PHF20: variants seen among roughly 807,000 people sequenced by gnomAD.
PHF20 encodes PHD finger protein 20, also known as glioma-expressed antigen 2.
In PHF20, 23 loss-of-function variants were observed where a neutral mutation model predicts 113.5. The observed-to-expected ratio is 0.20, with a 90% confidence interval of 0.15 to 0.29. The LOEUF (loss-of-function observed/expected upper bound fraction) is 0.29. Ranked by LOEUF, PHF20 falls within the 10% of genes least tolerant of loss-of-function variation. The pLI, the probability that PHF20 is intolerant of heterozygous loss-of-function variation, is 1.00. For missense variants in PHF20, 943 were observed against 1,219.6 expected, an observed-to-expected ratio of 0.77 and a Z score of 3.38; for synonymous variants, 434 against 457.3, an observed-to-expected ratio of 0.95 and a Z score of 0.65.
chr20:35,827,647 G>GAA (rs1471868987), intron 2 of PHF20, among the ~76,000 whole-genome samples: 5 of 152,038 alleles, frequency 3.3e-5, no homozygotes, highest in South Asian at 2.1e-4. Context: ...GGCTGGGCGT[G>GAA]GTGGCGGGTG....
chr20:35,882,862 A>G (rs151208095), intron 9 of PHF20, among the ~76,000 whole-genome samples: 1 of 152,156 alleles, frequency 6.6e-6, no homozygotes, highest in Admixed American at 6.5e-5. Flanking sequence ...CCCTGTTTCT[A>G]CTAAAAATAC....
intron 2 of PHF20, among the ~76,000 whole-genome samples, chr20:35,815,043 A>G (rs1018798830): frequency 2.6e-5 from 4 of 151,398 alleles, no homozygotes; most frequent in Non-Finnish European, 5.9e-5. Flanking sequence ...TAAAAATACA[A>G]AAATTAGCCG....
At chr20:35,830,820 G>T (rs2042345905) in intron 2 of PHF20, among the ~76,000 whole-genome samples, 2 of 151,384 alleles carry the variant, frequency 1.3e-5, no homozygotes, top group Admixed American at 1.3e-4. Flanking sequence ...TTGCTGCACA[G>T]ATCATCCCAT....
At position 35,875,675 on chromosome 20, in the gene PHF20, G is replaced by A. The variant is rs6119668; in HGVS notation, c.1282+3846G>A. 5.8e-3 allele frequency among the ~76,000 whole-genome samples: 887 copies of A among 152,186 alleles called. 9 individuals carry two copies. Among genetic ancestry groups the A allele is most frequent in the African/African-American group, 0.02 (833 of 41,518 alleles). ...ATCTCGGAATTTAGTTGTCTGTCTT[G>A]GCAGGGAGAACTCTAGATGACAGCC... is the stretch of plus-strand genomic sequence containing the variant. On this transcript the variant is annotated intron_variant, in intron 9 of 17. Coordinates refer to ENST00000374012, the MANE Select transcript of PHF20 (RefSeq NM_016436.5).
At chr20:35,874,547 A>G (rs2054483087) in intron 9 of PHF20, among the ~76,000 whole-genome samples, 1 of 151,914 alleles carries the variant, frequency 6.6e-6, no homozygotes, top group Non-Finnish European at 1.5e-5. Context: ...GCAGTGGCAC[A>G]ATCACAGCTC....
In PHF20 at chr20:35,837,460, A is replaced by C. The variant is rs1041167837; in HGVS notation, c.84-5113A>C. On this transcript the variant is annotated intron_variant, in intron 2 of 17. Coordinates refer to ENST00000374012, the MANE Select transcript of PHF20 (RefSeq NM_016436.5). ...TCTCATCAGTGGCTCTTAGTTACAC[A>C]GGGAAGCTAGAAATTCTCTCTTCCT... 4.9e-4 allele frequency among the ~76,000 whole-genome samples: 75 copies of C among 152,202 alleles called. 3 individuals are homozygous for C.
chr20:35,841,567 C>T (rs1016132416), intron 2 of PHF20, among the ~76,000 whole-genome samples: 1 of 151,854 alleles, frequency 6.6e-6, no homozygotes. Flanking sequence ...GTCAAGAGAT[C>T]GAGACCATCC....
chr20:35,824,369 G>A (rs2042226375), intron 2 of PHF20, among the ~76,000 whole-genome samples: 1 of 152,104 alleles, frequency 6.6e-6, no homozygotes, highest in Non-Finnish European at 1.5e-5. Flanking sequence ...AGCACTTTGG[G>A]AGGCTGAGGT....
At chr20:35,786,650 C>T (rs974447551) in intron 1 of PHF20, among the ~76,000 whole-genome samples, 14 of 152,170 alleles carry the variant, frequency 9.2e-5, no homozygotes, top group East Asian at 3.9e-4. Flanking sequence ...TGCAGTGAGC[C>T]GAGATTGAGC....
Position 35,899,556 on chromosome 20 carries a change from G to A in PHF20, c.1469G>A (p.Gly490Glu), listed in dbSNP as rs35658867. The A allele has an allele frequency of 8.8e-5, 142 of 1,614,116 alleles. No individual in the cohort carries two copies. The Middle Eastern group carries it at 1.6e-3, about 19-fold the overall frequency. The stretch of plus-strand genomic sequence containing the variant: ...TCACTGGAGCCAGAAGAGAGCCCGG[G>A]AAAGAGGCATGTCCAAACCAGGGGC... Reference protein sequence around the residue: ...EKSLEPEESPGKRHVQTRGPS... With the variant: ...EKSLEPEESPEKRHVQTRGPS... The change falls in exon 10 of 18, where the codon GGA becomes GAA. Residue 490 changes from glycine (G) to glutamate (E), a missense_variant. Gly to Glu is a moderately conservative substitution (Grantham distance 98). Around this residue, in one of 3 missense-constraint regions of PHF20, gnomAD observed 592 missense variants for 787.2 expected, o/e 0.75. Coordinates refer to ENST00000374012, the MANE Select transcript of PHF20 (RefSeq NM_016436.5).
intron 6 of PHF20, among the ~76,000 whole-genome samples, chr20:35,865,497 GT>G (rs201623482): frequency 2.2e-3 from 213 of 96,590 alleles, no homozygotes; most frequent in African/African-American, 3.1e-3. Flanking sequence ...TTTAAGTTGT[GT>G]TTTTTTTTTT....
At chr20:35,910,490 A>G (rs2055278628) in intron 10 of PHF20, among the ~76,000 whole-genome samples, 1 of 152,172 alleles carries the variant, frequency 6.6e-6, no homozygotes, top group Non-Finnish European at 1.5e-5. Context: ...AACTATCACC[A>G]CAATCAAGAT....
At chr20:35,944,724 C>A (rs2056055435) in intron 17 of PHF20, among the ~76,000 whole-genome samples, 1 of 152,166 alleles carries the variant, frequency 6.6e-6, no homozygotes, top group African/African-American at 2.4e-5. Context: ...CCTGCCACCA[C>A]ACCTGGCTGA....
At chr20:35,903,511 C>T (rs2055143063) in intron 10 of PHF20, among the ~76,000 whole-genome samples, 1 of 152,022 alleles carries the variant, frequency 6.6e-6, no homozygotes, top group Non-Finnish European at 1.5e-5. Context: ...ATTTCTGTAC[C>T]CTCTCAGTGA....
intron 2 of PHF20, among the ~76,000 whole-genome samples, chr20:35,812,344 G>A (rs983344716): frequency 1.1e-4 from 16 of 151,798 alleles, no homozygotes; most frequent in African/African-American, 3.9e-4. Context: ...TCTTCTTCCC[G>A]GGAGGCAGAG....
chr20:35,830,263 C>T (rs547831650), intron 2 of PHF20, among the ~76,000 whole-genome samples: 6 of 152,274 alleles, frequency 3.9e-5, no homozygotes, highest in African/African-American at 1.2e-4. Flanking sequence ...TAATCAGCAA[C>T]TGCCTCATCC....
intron 6 of PHF20, among the ~76,000 whole-genome samples, chr20:35,868,162 G>T (rs572331441): frequency 6.6e-6 from 1 of 152,022 alleles, no homozygotes; most frequent in African/African-American, 2.4e-5. Flanking sequence ...GTGTGGTGGC[G>T]CATGCCTGTA....
intron 13 of PHF20, among the ~76,000 whole-genome samples, chr20:35,920,480 C>G (rs2055491187): frequency 6.6e-6 from 1 of 152,178 alleles, no homozygotes; most frequent in Non-Finnish European, 1.5e-5. Context: ...AAGGCGATCT[C>G]AAGTCACTTA....
intron 17 of PHF20, among the ~76,000 whole-genome samples, chr20:35,944,623 G>A (rs1483468918): frequency 6.6e-6 from 1 of 152,146 alleles, no homozygotes; most frequent in Non-Finnish European, 1.5e-5. Flanking sequence ...CCAGGCTGGA[G>A]TACAGTGGCA....
Sources: gnomAD v4.1 joint callset for allele counts (sites outside exome capture counted in the v4.1 genomes callset) on GRCh38, gnomAD v4.1.1 for gene constraint, gnomAD v4.1.1 regional missense constraint, MANE v1.5 for transcripts, NCBI Gene and HGNC (gene_info 2026-07-23, HGNC 2026-07-21) for gene names.